PRRC1: variants seen among roughly 807,000 people sequenced by gnomAD.
PRRC1 encodes proline rich coiled-coil 1, also known as protein PRRC1.
A neutral mutation model predicts 40.7 loss-of-function variants in PRRC1; 39 were observed. That is an observed-to-expected ratio of 0.96 (90% confidence interval 0.74 to 1.25). The LOEUF is 1.25. Ranked by LOEUF, PRRC1 falls within the 50% of genes most tolerant of loss-of-function variation. The pLI is 0.00. For missense variants in PRRC1, 573 were observed against 548.3 expected (o/e 1.05, Z -0.45); for synonymous variants, 175 against 193.3 (o/e 0.91, Z 0.79).
intron 7 of PRRC1, among the ~76,000 whole-genome samples, chr5:127,541,377 T>C (rs1768040858): frequency 6.6e-6 from 1 of 152,216 alleles, no homozygotes; most frequent in East Asian, 1.9e-4. Flanking sequence ...ATCAGGATGA[T>C]GCTGGCCTCA....
intron 2 of PRRC1, among the ~76,000 whole-genome samples, chr5:127,524,266 T>C (rs1302946425): frequency 6.6e-6 from 1 of 152,126 alleles, no homozygotes; most frequent in Non-Finnish European, 1.5e-5. Flanking sequence ...CGCTTTATTT[T>C]ATTAAAAATA....
At position 127,552,617 on chromosome 5, in the gene PRRC1, T is replaced by A. The variant is rs1768422851; in HGVS notation, c.*701T>A. 1.0e-6 allele frequency: 1 copy of A among 980,212 alleles called. No individual in the cohort carries two copies. The highest frequency in any genetic ancestry group is 1.2e-6 in the Non-Finnish European group (1 of 824,756). 60.7% of individuals were successfully genotyped at this position (980,212 alleles called of 1,614,324 possible). On this transcript the variant is annotated 3_prime_UTR_variant, in exon 9 of 9. Coordinates refer to ENST00000296666, the MANE Select transcript of PRRC1 (RefSeq NM_130809.5). ...TGGGGTAATACATTTTATTTTTTCA[T>A]TGCTATATGACAGCTAAGGGGCAAA...
chr5:127,551,698 T>C lies in PRRC1; in HGVS notation c.1129-9T>C, dbSNP rs1768387660. 6.2e-7 allele frequency: 1 copy of C among 1,613,496 alleles called. No individual in the cohort carries two copies. On this transcript the variant is annotated splice_polypyrimidine_tract_variant and intron_variant, in intron 8 of 8. Coordinates refer to ENST00000296666, the MANE Select transcript of PRRC1 (RefSeq NM_130809.5). ...TATTATAAGTAATATCAATTTCATC[T>C]TTCCACAGGCTCAAAGTCTAACTCC... is the stretch of plus-strand genomic sequence containing the variant.
intron 1 of PRRC1, among the ~76,000 whole-genome samples, chr5:127,518,787 G>T (rs1381085292): frequency 6.6e-6 from 1 of 151,436 alleles, no homozygotes; most frequent in East Asian, 1.9e-4. Context: ...GGAACAACAG[G>T]GTCTAGCCGG....
chr5:127,550,186 T>C (rs1441585356), intron 8 of PRRC1: 2 of 152,138 alleles, frequency 1.3e-5, no homozygotes, highest in East Asian at 1.9e-4. Context: ...AAGGGTGTTA[T>C]TTGCTTTTTA....
chr5:127,533,792 T>C lies in PRRC1; in HGVS notation c.921+6T>C, dbSNP rs1767832440. ...GCTATGCAGCTGGATTAAAAGTGAG[T>C]AACAGAACACCATTTTCAGGACATG... On this transcript the variant is annotated splice_donor_region_variant and intron_variant, in intron 6 of 8. Coordinates refer to ENST00000296666, the MANE Select transcript of PRRC1 (RefSeq NM_130809.5). 6.2e-7 allele frequency: 1 copy of C among 1,613,612 alleles called. No individual in the cohort carries two copies. Among genetic ancestry groups the C allele is most frequent in the Admixed American group, 1.7e-5 (1 of 59,974 alleles).
intron 8 of PRRC1, chr5:127,551,397 C>T: frequency 3.5e-6 from 1 of 287,628 alleles, no homozygotes; most frequent in South Asian, 4.5e-5. Flanking sequence ...TAAAAGATAA[C>T]TTTAGCACTG....
At chr5:127,547,770 A>T (rs750271641) in intron 7 of PRRC1, 49 bp from the exon 8 acceptor site, 1 of 1,243,954 alleles carries the variant, frequency 8.0e-7, no homozygotes, top group African/African-American at 1.5e-5. Context: ...TATTCATGAT[A>T]AGTTTTATTT....
intron 6 of PRRC1, 164 bp downstream of exon 6, chr5:127,533,950 G>T: frequency 1.3e-6 from 1 of 742,892 alleles, no homozygotes; most frequent in Admixed American, 2.2e-5. Context: ...AGATATAGTG[G>T]AGTTTTAATT....
Position 127,524,744 on chromosome 5 carries a change from C to G in PRRC1, c.317C>G (p.Pro106Arg). Residue 106 changes from proline to arginine, a missense_variant, in exon 3 of 9, where the codon CCT becomes CGT. By Grantham distance (103) the Pro-to-Arg change is moderately radical. Coordinates refer to ENST00000296666, the MANE Select transcript of PRRC1 (RefSeq NM_130809.5). ...PSTAAAFGNP[P>R]VSHFPPSTSA... is the part of the protein sequence containing the mutation. ...ACTGCTGCTGCCTTCGGTAATCCTC[C>G]TGTATCTCACTTCCCACCTTCAACT... The G allele has an allele frequency of 6.2e-7, 1 of 1,614,194 alleles. No individual in the cohort carries two copies. The highest frequency in any genetic ancestry group is 8.5e-7 in the Non-Finnish European group (1 of 1,180,020).
intron 5 of PRRC1, among the ~76,000 whole-genome samples, chr5:127,532,657 T>C (rs1767805764): frequency 6.6e-6 from 1 of 152,206 alleles, no homozygotes. Flanking sequence ...AAGTATCCAG[T>C]ACAGATGTGA....
Position 127,524,526 on chromosome 5 carries a change from T to G in PRRC1, c.104-5T>G, listed in dbSNP as rs762280788. The G allele has an allele frequency of 7.6e-6, 12 of 1,588,016 alleles. No homozygotes were observed. Among genetic ancestry groups the G allele is most frequent in the Non-Finnish European group, 9.4e-6 (11 of 1,164,980 alleles). ...TGTGCTTTTATCCTCTCCACTTTTTTCTAGCGGCAACCAGTTCTTTTTCTT... is the reference window on the plus strand; with the variant it reads ...TGTGCTTTTATCCTCTCCACTTTTTGCTAGCGGCAACCAGTTCTTTTTCTT... On this transcript the variant is annotated splice_polypyrimidine_tract_variant and splice_region_variant and intron_variant, in intron 2 of 8. Transcript: ENST00000296666.
intron 7 of PRRC1, among the ~76,000 whole-genome samples, chr5:127,544,315 T>G (rs528277798): frequency 6.6e-6 from 1 of 152,038 alleles, no homozygotes; most frequent in African/African-American, 2.4e-5. Flanking sequence ...GTTAGGCTGC[T>G]CGGGGGTCAG....
Position 127,552,358 on chromosome 5 carries a change from T to C in PRRC1, c.*442T>C. 2.0e-6 allele frequency: 2 copies of C among 1,013,264 alleles called. No individual in the cohort carries two copies. The highest frequency in any genetic ancestry group is 2.4e-6 in the Non-Finnish European group (2 of 845,610). The allele number at this position is 1,013,264 out of a possible 1,614,324, so 62.8% of individuals were successfully genotyped here. On this transcript the variant is annotated 3_prime_UTR_variant, in exon 9 of 9. Coordinates refer to ENST00000296666, the MANE Select transcript of PRRC1 (RefSeq NM_130809.5). ...CTGTCAGTCTTTGACTACTTTTGTA[T>C]GTGCACACGATCTCAGGGCTGGTGC...
At chr5:127,528,289 T>G (rs1258288533) in intron 4 of PRRC1, among the ~76,000 whole-genome samples, 3 of 151,658 alleles carry the variant, frequency 2.0e-5, no homozygotes, top group South Asian at 4.1e-4. Context: ...TGTCAGTCTT[T>G]TCTTTTCTTT....
intron 8 of PRRC1, chr5:127,549,391 T>G (rs1393740692): frequency 2.0e-5 from 3 of 152,204 alleles, no homozygotes; most frequent in African/African-American, 7.2e-5. Context: ...CATTGTATCC[T>G]GACCATGAAA....
At chr5:127,544,702 T>A (rs761317695) in intron 7 of PRRC1, among the ~76,000 whole-genome samples, 60 of 152,216 alleles carry the variant, frequency 3.9e-4, no homozygotes, top group Non-Finnish European at 6.6e-4. Flanking sequence ...GGATATAATC[T>A]CCTGGTGCGC....
intron 1 of PRRC1, among the ~76,000 whole-genome samples, chr5:127,518,748 T>A (rs1349869164): frequency 6.6e-6 from 1 of 151,072 alleles, no homozygotes; most frequent in East Asian, 1.9e-4. Context: ...TTTTTTTTTT[T>A]AACAGAAAAA....
intron 7 of PRRC1, among the ~76,000 whole-genome samples, chr5:127,546,171 C>G: frequency 6.6e-6 from 1 of 152,232 alleles, no homozygotes. Flanking sequence ...TTTCTATTCA[C>G]CTGTCTTCAG....
Sources: allele counts gnomAD v4.1 joint callset (sites outside exome capture counted in the v4.1 genomes callset), GRCh38; gene constraint gnomAD v4.1.1; transcripts MANE v1.5; gene names NCBI Gene and HGNC (gene_info 2026-07-23, HGNC 2026-07-21).